Variants in LARGE1 observed in about 807,000 individuals in gnomAD.
The protein encoded by LARGE1 is LARGE xylosyl- and glucuronyltransferase 1.
In LARGE1, 43 loss-of-function variants were observed where a neutral mutation model predicts 87.6. That is an observed-to-expected ratio of 0.49 (90% CI 0.38 to 0.63). LARGE1 has a LOEUF of 0.63. Among genes scored for constraint, LARGE1 ranks in the 30% least tolerant of loss-of-function variants. The pLI, the probability that LARGE1 is intolerant of heterozygous loss-of-function variation, is 0.00. For synonymous variants in LARGE1, 434 were observed against 394.6 expected, an observed-to-expected ratio of 1.10 and a Z score of -1.18; for missense variants, 802 against 1,000.2, an observed-to-expected ratio of 0.80 and a Z score of 2.67.
chr22:33,468,592 A>G (rs902630485), intron 6 of LARGE1, among the ~76,000 whole-genome samples: 24 of 152,360 alleles, frequency 1.6e-4, no homozygotes, highest in African/African-American at 5.8e-4. Context: ...CAAAACATTT[A>G]TTGAATATTT....
chr22:33,183,880 A>C (rs1923326787), intron 11 of LARGE1, among the ~76,000 whole-genome samples: 1 of 151,966 alleles, frequency 6.6e-6, no homozygotes, highest in Admixed American at 6.6e-5. Flanking sequence ...ATGTTGGTCA[A>C]AGGGTACAAA....
chr22:33,198,286 G>A (rs1051110040), intron 11 of LARGE1, among the ~76,000 whole-genome samples: 8 of 151,550 alleles, frequency 5.3e-5, no homozygotes, highest in Non-Finnish European at 1.0e-4. Context: ...CATCTTTAAG[G>A]AAAGACACTT....
intron 1 of LARGE1, among the ~76,000 whole-genome samples, chr22:33,872,870 G>A (rs968422577): frequency 6.6e-6 from 1 of 152,028 alleles, no homozygotes; most frequent in Non-Finnish European, 1.5e-5. Flanking sequence ...TGTGGTGGCA[G>A]ACACCTGTAA....
chr22:33,304,606 C>T, intron 11 of LARGE1, 99 bp from the exon 12 acceptor site: 1 of 1,282,144 alleles, frequency 7.8e-7, no homozygotes, highest in South Asian at 1.5e-5. Flanking sequence ...ACTTGATCAA[C>T]CAGCTGTGGA....
chr22:33,113,261 G>A, the LARGE1 span, among the ~76,000 whole-genome samples: 1 of 146,032 alleles, frequency 6.8e-6, no homozygotes, highest in African/African-American at 2.6e-5. Flanking sequence ...AGGCTGGAGT[G>A]CAATGGCATG....
At chr22:33,352,600 A>G (rs1940495593) in intron 9 of LARGE1, among the ~76,000 whole-genome samples, 1 of 151,936 alleles carries the variant, frequency 6.6e-6, no homozygotes, top group Non-Finnish European at 1.5e-5. Flanking sequence ...CTTAAAAAAA[A>G]ATACAAAAAT....
chr22:33,708,733 T>A (rs1276742507), intron 2 of LARGE1, among the ~76,000 whole-genome samples: 1 of 152,130 alleles, frequency 6.6e-6, no homozygotes, highest in East Asian at 1.9e-4. Flanking sequence ...CCTGAGTAGG[T>A]GGGATTGCAG....
chr22:33,124,395 A>AGGAAGG, the LARGE1 span, among the ~76,000 whole-genome samples: 143 of 147,636 alleles, frequency 9.7e-4, no homozygotes, highest in South Asian at 1.5e-3. Flanking sequence ...GGAGGAAGGA[A>AGGAAGG]AATGATGGCT....
chr22:33,284,037 G>A (rs912113579), intron 12 of LARGE1, among the ~76,000 whole-genome samples: 2 of 152,174 alleles, frequency 1.3e-5, no homozygotes, highest in African/African-American at 4.8e-5. Context: ...TGCTGTCCCC[G>A]AGACAGAGAA....
chr22:33,424,131 C>T (rs992607547), intron 7 of LARGE1, among the ~76,000 whole-genome samples: 1 of 152,194 alleles, frequency 6.6e-6, no homozygotes, highest in African/African-American at 2.4e-5. Context: ...AAAGAACAGT[C>T]ACCCAGCCTC....
intron 5 of LARGE1, among the ~76,000 whole-genome samples, chr22:33,585,358 C>A (rs369215451): frequency 6.6e-6 from 1 of 152,056 alleles, no homozygotes; most frequent in Admixed American, 6.5e-5. Flanking sequence ...CACATAGAAA[C>A]GCACACACAG....
At chr22:33,562,923 A>G (rs2077903790) in intron 6 of LARGE1, 1 of 152,640 alleles carries the variant, frequency 6.6e-6, no homozygotes, top group Non-Finnish European at 1.5e-5. Flanking sequence ...TCAGCATACA[A>G]GAGGTTTATT....
chr22:33,359,560 CTTTTTTTT>C (rs539990533), intron 9 of LARGE1, among the ~76,000 whole-genome samples: 1 of 119,240 alleles, frequency 8.4e-6, no homozygotes, highest in Non-Finnish European at 1.8e-5. Context: ...GCAGACTCAT[CTTTTTTTT>C]TTTTTTTTTT....
intron 5 of LARGE1, among the ~76,000 whole-genome samples, chr22:33,579,976 G>A (rs1386194411): frequency 6.6e-6 from 1 of 152,164 alleles, no homozygotes; most frequent in Non-Finnish European, 1.5e-5. Flanking sequence ...AAGCGTCCTT[G>A]ATCTGGAAGC....
downstream of LARGE1, among the ~76,000 whole-genome samples, chr22:33,269,921 T>G (rs553466428): frequency 6.7e-6 from 1 of 150,314 alleles, no homozygotes; most frequent in Non-Finnish European, 1.5e-5. Flanking sequence ...AGGAGAATGG[T>G]GTGAACCTGG....
intron 11 of LARGE1, among the ~76,000 whole-genome samples, chr22:33,246,980 C>T (rs1378979779): frequency 6.6e-6 from 1 of 151,830 alleles, no homozygotes; most frequent in Non-Finnish European, 1.5e-5. Context: ...AACAATATGT[C>T]TCACAATCTT....
At chr22:33,532,775 A>C (rs2076935703) in intron 6 of LARGE1, among the ~76,000 whole-genome samples, 2 of 152,224 alleles carry the variant, frequency 1.3e-5, no homozygotes, top group South Asian at 2.1e-4. Flanking sequence ...CATTTCCCCT[A>C]TACATACACC....
intron 6 of LARGE1, among the ~76,000 whole-genome samples, chr22:33,496,641 G>C (rs567892780): frequency 6.6e-6 from 1 of 152,092 alleles, no homozygotes; most frequent in Non-Finnish European, 1.5e-5. Flanking sequence ...AATGGACCAC[G>C]ACAGGACTAA....
chr22:33,867,028 CAAAGGT>C (rs2064125478), intron 1 of LARGE1, among the ~76,000 whole-genome samples: 2 of 152,120 alleles, frequency 1.3e-5, no homozygotes. Flanking sequence ...AAGCTACCCA[CAAAGGT>C]GGCATCTGAC....
Sources: allele counts gnomAD v4.1 joint callset (sites outside exome capture counted in the v4.1 genomes callset), GRCh38; gene constraint gnomAD v4.1.1; transcripts MANE v1.5; gene names NCBI Gene and HGNC (gene_info 2026-07-23, HGNC 2026-07-21).